Variants in PPFIA2 observed in about 807,000 individuals in gnomAD.
PPFIA2 encodes the protein PPFI scaffold protein A2, also known as liprin-alpha-2.
In PPFIA2, 46 loss-of-function variants were observed where a neutral mutation model predicts 175.5. The observed-to-expected ratio is 0.26, with a 90% CI of 0.21 to 0.34. PPFIA2 has a LOEUF of 0.34. Among genes scored for constraint, PPFIA2 ranks in the 10% least tolerant of loss-of-function variants. The pLI, the probability that PPFIA2 is intolerant of heterozygous loss-of-function variation, is 1.00. For synonymous variants in PPFIA2, 568 were observed against 511.4 expected, an observed-to-expected ratio of 1.11 and a Z score of -1.49; for missense variants, 1,179 against 1,506.1, an observed-to-expected ratio of 0.78 and a Z score of 3.60.
Position 81,375,921 on chromosome 12 carries a change from T to A in PPFIA2, c.1006A>T (p.Met336Leu), listed in dbSNP as rs776403804. ...IREAMAQKED[M>L]EERITTLEKR... ...TCAAGGGTTGTAATTCTTTCTTCCA[T>A]ATCTTCCTTTTGTGCCATGGCCTAC... Residue 336 changes from methionine to leucine, a missense_variant, in exon 10 of 33, where the codon ATG (methionine) becomes TTG (leucine). Met to Leu is a conservative substitution (Grantham distance 15). Coordinates refer to ENST00000549396, the MANE Select transcript of PPFIA2 (RefSeq NM_003625.5). 1 of 1,613,304 alleles carries A rather than the reference T, an allele frequency of 6.2e-7. No homozygotes were observed. The highest frequency in any genetic ancestry group is 8.5e-7 in the Non-Finnish European group (1 of 1,179,478).
chr12:81,525,935 T>C (rs2063682860), intron 4 of PPFIA2, among the ~76,000 whole-genome samples: 2 of 152,082 alleles, frequency 1.3e-5, no homozygotes, highest in African/African-American at 2.4e-5. Flanking sequence ...TTAGAAATTT[T>C]CCCACTATTC....
chr12:81,528,704 T>G (rs894053812), intron 4 of PPFIA2, among the ~76,000 whole-genome samples: 2 of 152,066 alleles, frequency 1.3e-5, no homozygotes, highest in African/African-American at 4.8e-5. Context: ...GAAAAGCATT[T>G]CCATAGCAAC....
At chr12:81,659,078 G>A (rs552030773) in intron 4 of PPFIA2, among the ~76,000 whole-genome samples, 16 of 152,032 alleles carry the variant, frequency 1.1e-4, no homozygotes, top group South Asian at 2.1e-4. Context: ...ACAGTACAAC[G>A]GAGGGCGGTT....
chr12:81,468,172 C>T (rs2056065949), intron 4 of PPFIA2, among the ~76,000 whole-genome samples: 1 of 152,188 alleles, frequency 6.6e-6, no homozygotes, highest in Admixed American at 6.5e-5. Context: ...GGAAGCAATT[C>T]TAACAGAGGA....
chr12:81,540,969 G>A (rs1011407471), intron 4 of PPFIA2, among the ~76,000 whole-genome samples: 1 of 151,938 alleles, frequency 6.6e-6, no homozygotes, highest in Non-Finnish European at 1.5e-5. Context: ...TCTTTCCCCA[G>A]GGGTGCCTGC....
intron 4 of PPFIA2, among the ~76,000 whole-genome samples, chr12:81,590,455 CT>C (rs1277938171): frequency 2.6e-5 from 4 of 151,984 alleles, no homozygotes; most frequent in Non-Finnish European, 5.9e-5. Context: ...CCATTAGTAT[CT>C]TTTTTCTTTT....
In PPFIA2 at chr12:81,325,764, T is replaced by A. The variant is rs1276639819; in HGVS notation, c.2642+13A>T. 4 of 1,595,442 alleles carry A rather than the reference T, an allele frequency of 2.5e-6. No homozygotes were observed. Among genetic ancestry groups the A allele is most frequent in the African/African-American group, 1.3e-5 (1 of 74,572 alleles). On this transcript the variant is annotated intron_variant, in intron 22 of 32. Coordinates refer to ENST00000549396, the MANE Select transcript of PPFIA2 (RefSeq NM_003625.5). ...TAAAAGTTAGAAAAAGAGGGAAAAA[T>A]CCCCAAACCTACTTTTTCTTTAGTC...
chr12:81,547,364 T>A (rs910441576), intron 4 of PPFIA2, among the ~76,000 whole-genome samples: 5 of 152,052 alleles, frequency 3.3e-5, no homozygotes, highest in Non-Finnish European at 7.4e-5. Context: ...TTGACTAACT[T>A]TTTTTTCTTT....
At chr12:81,501,325 C>A (rs189130827) in intron 4 of PPFIA2, among the ~76,000 whole-genome samples, 2 of 152,112 alleles carry the variant, frequency 1.3e-5, no homozygotes, top group East Asian at 3.8e-4. Flanking sequence ...TATTTAGATG[C>A]CCCCTTCTCA....
intron 4 of PPFIA2, among the ~76,000 whole-genome samples, chr12:81,534,227 A>T (rs894671526): frequency 2.0e-5 from 3 of 151,680 alleles, no homozygotes; most frequent in Non-Finnish European, 4.4e-5. Context: ...ACATAGAGGT[A>T]GATAGAAGGA....
intron 4 of PPFIA2, among the ~76,000 whole-genome samples, chr12:81,665,855 A>C (rs894856823): frequency 1.3e-5 from 2 of 152,110 alleles, no homozygotes; most frequent in East Asian, 1.9e-4. Context: ...AAATTTTTGC[A>C]ATCTACTCAT....
At chr12:81,382,918 G>A (rs2038056207) in intron 9 of PPFIA2, among the ~76,000 whole-genome samples, 1 of 152,040 alleles carries the variant, frequency 6.6e-6, no homozygotes, top group Non-Finnish European at 1.5e-5. Flanking sequence ...GACACTCCAA[G>A]GTCGGGGAGG....
intron 6 of PPFIA2, among the ~76,000 whole-genome samples, chr12:81,443,145 A>T (rs551966796): frequency 6.6e-6 from 1 of 151,994 alleles, no homozygotes; most frequent in African/African-American, 2.4e-5. Context: ...ACGTTCACTA[A>T]GGACTTGCCA....
At chr12:81,632,535 AC>A (rs1325355301) in intron 4 of PPFIA2, among the ~76,000 whole-genome samples, 3 of 152,166 alleles carry the variant, frequency 2.0e-5, no homozygotes, top group Admixed American at 6.5e-5. Context: ...GTCCATATAT[AC>A]ATGTAATAGT....
chr12:81,715,417 T>G (rs556282514), intron 3 of PPFIA2, among the ~76,000 whole-genome samples: 19 of 151,914 alleles, frequency 1.3e-4, no homozygotes, highest in Non-Finnish European at 2.7e-4. Flanking sequence ...AATAATTTAT[T>G]TTTTAAGTAG....
At chr12:81,685,360 G>T (rs1326517631) in intron 3 of PPFIA2, among the ~76,000 whole-genome samples, 29 of 152,002 alleles carry the variant, frequency 1.9e-4, no homozygotes, top group African/African-American at 7.0e-4. Flanking sequence ...GAAACATACA[G>T]ACCAATTTTA....
intron 4 of PPFIA2, among the ~76,000 whole-genome samples, chr12:81,588,340 A>G (rs1256090150): frequency 6.6e-6 from 1 of 152,012 alleles, no homozygotes; most frequent in Non-Finnish European, 1.5e-5. Flanking sequence ...AAGTAAACCA[A>G]GCACACACAC....
chr12:81,507,536 G>A (rs1273075944), intron 4 of PPFIA2, among the ~76,000 whole-genome samples: 1 of 152,070 alleles, frequency 6.6e-6, no homozygotes, highest in East Asian at 1.9e-4. Flanking sequence ...CCCAAAACTT[G>A]AACTCTCAAT....
chr12:81,388,542 C>T (rs2039459659), intron 8 of PPFIA2, among the ~76,000 whole-genome samples: 1 of 151,936 alleles, frequency 6.6e-6, no homozygotes, highest in South Asian at 2.1e-4. Context: ...GAGAGCACTT[C>T]TAAGGTTTAT....
Sources: gnomAD v4.1 joint callset for allele counts (sites outside exome capture counted in the v4.1 genomes callset) on GRCh38, gnomAD v4.1.1 for gene constraint, MANE v1.5 for transcripts, NCBI Gene and HGNC (gene_info 2026-07-23, HGNC 2026-07-21) for gene names.